ADGRB3: variants seen among roughly 807,000 people sequenced by gnomAD.
ADGRB3 encodes the protein brain-specific angiogenesis inhibitor 3.
A neutral mutation model predicts 193.4 loss-of-function variants in ADGRB3; 37 were observed. The observed-to-expected ratio is 0.19, with a 90% CI of 0.15 to 0.25. The LOEUF (loss-of-function observed/expected upper bound fraction) is 0.25, where lower values mean the gene tolerates loss of function less well. ADGRB3 is among the 10% of genes least tolerant of loss of function. ADGRB3 has a pLI of 1.00. For synonymous variants in ADGRB3, 690 were observed against 644.2 expected, an observed-to-expected ratio of 1.07 and a Z score of -1.08; for missense variants, 1,637 against 1,852.9, an observed-to-expected ratio of 0.88 and a Z score of 2.14.
At chr6:69,172,314 A>G (rs1288643720) in intron 17 of ADGRB3, among the ~76,000 whole-genome samples, 5 of 152,124 alleles carry the variant, frequency 3.3e-5, no homozygotes, top group Admixed American at 1.3e-4. Context: ...TGCTATCGGG[A>G]GACATCTCTC....
At chr6:69,022,374 G>A (rs897282580) in intron 13 of ADGRB3, among the ~76,000 whole-genome samples, 7 of 151,710 alleles carry the variant, frequency 4.6e-5, no homozygotes, top group Non-Finnish European at 7.4e-5. Flanking sequence ...TATTTAATAT[G>A]AGATATTTTT....
At chr6:68,791,584 C>A (rs1268313481) in intron 3 of ADGRB3, among the ~76,000 whole-genome samples, 1 of 152,126 alleles carries the variant, frequency 6.6e-6, no homozygotes, top group Non-Finnish European at 1.5e-5. Context: ...TAGAACTTCA[C>A]TTCTAACTGT....
chr6:68,904,102 GA>G (rs1766477306), intron 3 of ADGRB3, among the ~76,000 whole-genome samples: 1 of 64,564 alleles, frequency 1.5e-5, no homozygotes, highest in Non-Finnish European at 4.1e-5. Context: ...AGGAAGGAAG[GA>G]AGGAAGGAAG....
chr6:68,880,204 T>A (rs12530394), intron 3 of ADGRB3, among the ~76,000 whole-genome samples: 14,240 of 152,162 alleles, frequency 0.094, 884 homozygotes, highest in Non-Finnish European at 0.13. Flanking sequence ...CTGATGGCTT[T>A]TGGTCAGTCA....
chr6:68,724,268 C>A (rs1317220860), intron 3 of ADGRB3, among the ~76,000 whole-genome samples: 2 of 151,618 alleles, frequency 1.3e-5, no homozygotes, highest in African/African-American at 4.8e-5. Flanking sequence ...CCATATTGCA[C>A]AGATGCCAAA....
At chr6:69,040,719 A>AAT (rs1771041013) in intron 13 of ADGRB3, among the ~76,000 whole-genome samples, 1 of 134,456 alleles carries the variant, frequency 7.4e-6, no homozygotes, top group African/African-American at 2.7e-5. Flanking sequence ...ACAAACAAGA[A>AAT]TTTGAAGTTG....
chr6:69,244,837 A>C (rs1766459423), intron 20 of ADGRB3, among the ~76,000 whole-genome samples: 1 of 152,066 alleles, frequency 6.6e-6, no homozygotes, highest in African/African-American at 2.4e-5. Context: ...TGGTATCAGC[A>C]CTTAACCCAG....
chr6:68,820,789 T>A (rs778196949), intron 3 of ADGRB3, among the ~76,000 whole-genome samples: 2 of 152,048 alleles, frequency 1.3e-5, no homozygotes, highest in Non-Finnish European at 2.9e-5. Context: ...TTTAACAAAC[T>A]TTTTTAGAAT....
intron 3 of ADGRB3, among the ~76,000 whole-genome samples, chr6:68,881,778 A>G (rs1367355386): frequency 6.6e-6 from 1 of 152,228 alleles, no homozygotes; most frequent in Non-Finnish European, 1.5e-5. Flanking sequence ...ATAAATGAAT[A>G]AAACACCCTT....
chr6:69,343,046 A>T (rs1769010182), intron 26 of ADGRB3, among the ~76,000 whole-genome samples: 1 of 151,972 alleles, frequency 6.6e-6, no homozygotes, highest in Non-Finnish European at 1.5e-5. Context: ...TACACAGGGG[A>T]AGAATATAGC....
intron 3 of ADGRB3, among the ~76,000 whole-genome samples, chr6:68,811,689 C>G (rs1406288877): frequency 6.6e-6 from 1 of 152,064 alleles, no homozygotes; most frequent in Admixed American, 6.6e-5. Context: ...AGGCTGGTCT[C>G]AAACTCCTGG....
chr6:69,210,148 T>TAATATATATATATATATATA (rs1561953521), intron 17 of ADGRB3, among the ~76,000 whole-genome samples: 4 of 39,074 alleles, frequency 1.0e-4, no homozygotes, highest in African/African-American at 2.7e-4. Flanking sequence ...TTAATATATA[T>TAATATATATATATATATATA]CATATATATA....
At chr6:68,647,184 T>C (rs1401212104) in intron 3 of ADGRB3, among the ~76,000 whole-genome samples, 1 of 152,222 alleles carries the variant, frequency 6.6e-6, no homozygotes, top group Non-Finnish European at 1.5e-5. Context: ...AAATAAATTT[T>C]CACTGAGGTA....
At chr6:68,721,170 C>T (rs531949613) in intron 3 of ADGRB3, among the ~76,000 whole-genome samples, 13 of 151,844 alleles carry the variant, frequency 8.6e-5, no homozygotes, top group East Asian at 7.8e-4. Flanking sequence ...TAAAGATACA[C>T]GCACACATAT....
intron 13 of ADGRB3, among the ~76,000 whole-genome samples, chr6:69,029,807 G>T (rs977409275): frequency 1.3e-5 from 2 of 151,788 alleles, no homozygotes; most frequent in Admixed American, 6.6e-5. Flanking sequence ...AATAATACAG[G>T]CCAAGAATTC....
chr6:68,955,249 C>CT (rs1465557446), intron 6 of ADGRB3, among the ~76,000 whole-genome samples: 2 of 152,196 alleles, frequency 1.3e-5, no homozygotes, highest in Non-Finnish European at 2.9e-5. Flanking sequence ...AAGAAAGACT[C>CT]TCTGGACCTT....
intron 3 of ADGRB3, among the ~76,000 whole-genome samples, chr6:68,647,464 A>G (rs1768244246): frequency 6.6e-6 from 1 of 152,184 alleles, no homozygotes; most frequent in Non-Finnish European, 1.5e-5. Context: ...TAGAGAATTG[A>G]TAATCAATAA....
intron 20 of ADGRB3, among the ~76,000 whole-genome samples, chr6:69,314,992 T>A (rs1768281947): frequency 6.6e-6 from 1 of 151,528 alleles, no homozygotes; most frequent in South Asian, 2.1e-4. Flanking sequence ...TGGAAATGGT[T>A]TTGGAAATGG....
intron 3 of ADGRB3, among the ~76,000 whole-genome samples, chr6:68,682,773 CT>C (rs987446612): frequency 2.4e-4 from 35 of 148,680 alleles, no homozygotes; most frequent in East Asian, 9.9e-4. Flanking sequence ...TTTTCTTTCA[CT>C]TTTTTTTTTC....
Sources: allele counts gnomAD v4.1 joint callset (sites outside exome capture counted in the v4.1 genomes callset), GRCh38; gene constraint gnomAD v4.1.1; transcripts MANE v1.5; gene names NCBI Gene and HGNC (gene_info 2026-07-23, HGNC 2026-07-21).